CREBBP: variants seen among roughly 807,000 people sequenced by gnomAD.
CREBBP encodes CREB binding lysine acetyltransferase.
CREBBP carries 19 observed loss-of-function variants against 265.0 expected under a neutral mutation model. That is an observed-to-expected ratio of 0.07 (90% confidence interval 0.05 to 0.11). The LOEUF (loss-of-function observed/expected upper bound fraction) is 0.11, where lower values mean the gene tolerates loss of function less well. Ranked by LOEUF, CREBBP falls within the 10% of genes least tolerant of loss-of-function variation. The pLI is 1.00. For synonymous variants in CREBBP, 1,457 were observed against 1,223.7 expected (o/e 1.19, Z -3.98); for missense variants, 2,525 against 3,219.0 (o/e 0.78, Z 5.22).
intron 2 of CREBBP, among the ~76,000 whole-genome samples, chr16:3,838,125 T>A (rs1297370481): frequency 3.3e-5 from 5 of 152,144 alleles, no homozygotes; most frequent in Non-Finnish European, 4.4e-5. Flanking sequence ...TGGGACTGAG[T>A]GTCTGGTCAG....
chr16:3,834,022 G>A (rs2054394254), intron 2 of CREBBP, among the ~76,000 whole-genome samples: 1 of 152,144 alleles, frequency 6.6e-6, no homozygotes, highest in Non-Finnish European at 1.5e-5. Context: ...CGTATGAAAA[G>A]ATGACCCACA....
Position 3,793,352 on chromosome 16 carries a change from C to T in CREBBP, c.1216+34G>A, listed in dbSNP as rs998947890. 186 of 1,613,262 alleles carry T rather than the reference C, an allele frequency of 1.2e-4. 2 individuals are homozygous for T. In the East Asian group the frequency reaches 4.0e-3, roughly 35 times the overall value. ...ACAATAAAGGCAAATTCTTCCTGAC[C>T]TCTACCACTAGGAGTTCCAAAAACA... On this transcript the variant is annotated intron_variant, in intron 4 of 30. Transcript: ENST00000262367.
At position 3,769,420 on chromosome 16, in the gene CREBBP, C is replaced by T. The variant is rs954911577; in HGVS notation, c.2881-67G>A. On this transcript the variant is annotated intron_variant, in intron 14 of 30. Transcript: ENST00000262367. ...ACATAAATGATCTTCAACTATGCTG[C>T]TCATGCAACCTACAATTTCCCATTA... The T allele has an allele frequency of 3.2e-6, 5 of 1,564,264 alleles. No individual in the cohort carries two copies. The East Asian group carries it at 9.0e-5, about 28-fold the overall frequency.
chr16:3,854,948 T>C (rs1162852408), intron 1 of CREBBP, among the ~76,000 whole-genome samples: 3 of 152,220 alleles, frequency 2.0e-5, no homozygotes, highest in Admixed American at 1.3e-4. Context: ...GAAATAACAC[T>C]GTTCTCCTAA....
intron 2 of CREBBP, among the ~76,000 whole-genome samples, chr16:3,815,916 T>C (rs2054029137): frequency 6.6e-6 from 1 of 152,114 alleles, no homozygotes; most frequent in Non-Finnish European, 1.5e-5. Flanking sequence ...TTGTATTCCA[T>C]ACACTCTTTT....
chr16:3,746,981 C>T (rs1404328543), intron 21 of CREBBP, among the ~76,000 whole-genome samples: 1 of 152,080 alleles, frequency 6.6e-6, no homozygotes, highest in Admixed American at 6.6e-5. Flanking sequence ...ACAAAACACA[C>T]TGCATATTCT....
chr16:3,756,546 T>C (rs1362430038), intron 19 of CREBBP, among the ~76,000 whole-genome samples: 1 of 152,200 alleles, frequency 6.6e-6, no homozygotes, highest in East Asian at 1.9e-4. Flanking sequence ...GATCCACCAC[T>C]CACAAAACCC....
intron 3 of CREBBP, among the ~76,000 whole-genome samples, chr16:3,800,384 G>T (rs1439691844): frequency 6.6e-6 from 1 of 152,162 alleles, no homozygotes; most frequent in Non-Finnish European, 1.5e-5. Flanking sequence ...CTCCCAAAGT[G>T]CTGGGATTAT....
intron 11 of CREBBP, among the ~76,000 whole-genome samples, chr16:3,775,457 A>G (rs188281920): frequency 3.0e-4 from 45 of 152,312 alleles, no homozygotes; most frequent in Non-Finnish European, 5.4e-4. Context: ...TAGGACCAAC[A>G]CTAGAATCTG....
rs139739149 is a variant in CREBBP, at chr16:3,869,575, A to G, written c.85+10257T>C. ...GTCCAATACCGTAGTGACTAACTAC[A>G]TGTGGCTATCTTCATTTACTCAAAC... On this transcript the variant is annotated intron_variant, in intron 1 of 30. Coordinates refer to ENST00000262367, the MANE Select transcript of CREBBP (RefSeq NM_004380.3). 7.2e-4 allele frequency among the ~76,000 whole-genome samples: 110 copies of G among 152,374 alleles called. 3 individuals are homozygous for G. The highest frequency in any genetic ancestry group is 2.5e-3 in the African/African-American group (104 of 41,592).
chr16:3,835,718 T>A (rs1472041714), intron 2 of CREBBP, among the ~76,000 whole-genome samples: 1 of 151,638 alleles, frequency 6.6e-6, no homozygotes, highest in Non-Finnish European at 1.5e-5. Context: ...TAGCTGGGAC[T>A]ACAGGCGCCT....
chr16:3,831,884 C>A (rs1245517870), intron 2 of CREBBP, among the ~76,000 whole-genome samples: 3 of 151,980 alleles, frequency 2.0e-5, no homozygotes, highest in Non-Finnish European at 4.4e-5. Flanking sequence ...GTAAGCACAG[C>A]TACTTGGGAG....
chr16:3,871,191 TCTCTCACTCACACACACA>T (rs1377288584), intron 1 of CREBBP, among the ~76,000 whole-genome samples: 4 of 60,940 alleles, frequency 6.6e-5, no homozygotes, highest in Admixed American at 4.1e-4. Context: ...TCTCTCTCTC[TCTCTCACTCACACACACA>T]CACACACACA....
chr16:3,787,201 G>A (rs1016700136), intron 5 of CREBBP, among the ~76,000 whole-genome samples: 37 of 152,196 alleles, frequency 2.4e-4, no homozygotes, highest in African/African-American at 8.0e-4. Context: ...TATGCACTGC[G>A]TGGGGCACCA....
intron 1 of CREBBP, among the ~76,000 whole-genome samples, chr16:3,865,675 G>T (rs2055162187): frequency 6.6e-6 from 1 of 150,720 alleles, no homozygotes; most frequent in Non-Finnish European, 1.5e-5. Flanking sequence ...GTCTTGATCT[G>T]TCGCCCAGGC....
rs2055497171 is a variant in CREBBP at position 3,880,049 on chromosome 16, G to A, written c.-133C>T. 2 of 575,658 alleles carry A rather than the reference G, an allele frequency of 3.5e-6. No homozygotes were observed. Among genetic ancestry groups the A allele is most frequent in the Non-Finnish European group, 5.0e-6 (2 of 397,234 alleles). 35.7% of individuals were successfully genotyped at this position (575,658 alleles called of 1,614,324 possible). On this transcript the variant is annotated 5_prime_UTR_variant, in exon 1 of 31. Coordinates refer to ENST00000262367, the MANE Select transcript of CREBBP (RefSeq NM_004380.3). ...CCGCGAGCGGGCGGGCGGGCGCCGAGGGAGAGGGAGGGCGCAGGCCGGGTG... is the reference window on the plus strand; with the variant it reads ...CCGCGAGCGGGCGGGCGGGCGCCGAAGGAGAGGGAGGGCGCAGGCCGGGTG...
chr16:3,778,682 C>T lies in CREBBP; in HGVS notation c.1941+18G>A, dbSNP rs377665463. The T allele has an allele frequency of 2.1e-4, 338 of 1,574,876 alleles. 3 individuals carry two copies. In the South Asian group the frequency reaches 3.1e-3, roughly 14 times the overall value. Reference sequence around the variant, plus strand: ...TACAGATGCTGTAGAGGCCAGAGCACGGTAAACAGCAACCTACCCTGCTGT... The same window carrying T: ...TACAGATGCTGTAGAGGCCAGAGCATGGTAAACAGCAACCTACCCTGCTGT... On this transcript the variant is annotated intron_variant, in intron 9 of 30. Coordinates refer to ENST00000262367, the MANE Select transcript of CREBBP (RefSeq NM_004380.3).
In CREBBP at chr16:3,731,023, A is replaced by T. The variant is rs1307288063; in HGVS notation, c.5172+169T>A. Among the ~76,000 whole-genome samples, 3 of 152,206 alleles carry T rather than the reference A, an allele frequency of 2.0e-5. No homozygotes were observed. Among genetic ancestry groups the T allele is most frequent in the Non-Finnish European group, 4.4e-5 (3 of 68,048 alleles). ...TGTGGCTACACAGAGCAGGTTTAGG[A>T]AACACACACACAGCAACGCCTTCTG... On this transcript the variant is annotated intron_variant, in intron 30 of 30. Transcript: ENST00000262367. This position sits in a 1 kb window ranked among gnomAD's most constrained non-coding sequence, Gnocchi z 7.7.
At chr16:3,849,891 T>C (rs1232484457) in intron 2 of CREBBP, among the ~76,000 whole-genome samples, 1 of 152,046 alleles carries the variant, frequency 6.6e-6, no homozygotes, top group Non-Finnish European at 1.5e-5. Flanking sequence ...GGGAGTGAGC[T>C]GACAACCCTG....
Sources: gnomAD v4.1 joint callset for allele counts (sites outside exome capture counted in the v4.1 genomes callset) on GRCh38, gnomAD v4.1.1 for gene constraint, Gnocchi (gnomAD v3.1) non-coding constraint, MANE v1.5 for transcripts, NCBI Gene and HGNC (gene_info 2026-07-23, HGNC 2026-07-21) for gene names.